MEF2A: variants seen among roughly 807,000 people sequenced by gnomAD.
The protein encoded by MEF2A is myocyte-specific enhancer factor 2A.
MEF2A carries 28 observed loss-of-function variants against 55.8 expected under a neutral mutation model. The observed-to-expected ratio is 0.50, with a 90% CI of 0.37 to 0.69. The LOEUF (loss-of-function observed/expected upper bound fraction) is 0.69, where lower values mean the gene tolerates loss of function less well. MEF2A is among the 30% of genes least tolerant of loss of function. MEF2A has a pLI of 0.00. For synonymous variants in MEF2A, 239 were observed against 227.1 expected (o/e 1.05, Z -0.47); for missense variants, 528 against 626.2 (o/e 0.84, Z 1.67).
intron 7 of MEF2A, among the ~76,000 whole-genome samples, chr15:99,689,484 CTTGT>C: frequency 6.6e-6 from 1 of 152,050 alleles, no homozygotes; most frequent in East Asian, 1.9e-4. Flanking sequence ...TGGTCTTTTG[CTTGT>C]TTGTTTCTTT....
At chr15:99,681,792 C>G (rs773544540) in intron 7 of MEF2A, 5 of 152,076 alleles carry the variant, frequency 3.3e-5, no homozygotes, top group African/African-American at 4.8e-5. Flanking sequence ...TTATTTTAGA[C>G]TAGTCAGGTG....
chr15:99,665,731 C>CAAAAAAAAAAAAAA (rs752473261), intron 4 of MEF2A, among the ~76,000 whole-genome samples: 6 of 20,252 alleles, frequency 3.0e-4, no homozygotes, highest in Non-Finnish European at 4.0e-4. Context: ...CTTAAATTTA[C>CAAAAAAAAAAAAAA]AAAAAAAAAA....
chr15:99,703,230 G>A, intron 8 of MEF2A, 132 bp from the exon 9 acceptor site: 1 of 722,888 alleles, frequency 1.4e-6, no homozygotes, highest in Non-Finnish European at 2.4e-6. Context: ...TCTATCTGTT[G>A]TGTATATAAT....
intron 7 of MEF2A, among the ~76,000 whole-genome samples, chr15:99,682,620 A>G (rs767766755): frequency 3.3e-5 from 5 of 152,240 alleles, no homozygotes; most frequent in South Asian, 2.1e-4. Flanking sequence ...CAGCCTGGCA[A>G]GTTACCAAAC....
Position 99,633,004 on chromosome 15 carries a change from C to A in MEF2A, c.-116C>A. 1.3e-6 allele frequency: 1 copy of A among 748,170 alleles called. No individual in the cohort carries two copies. 46.3% of individuals were successfully genotyped at this position (748,170 alleles called of 1,614,324 possible). ...TCTTGTAGAAAATTTCAGCTGTAGC[C>A]CTTGGACTAGAAGCTGAAATAACAG... On this transcript the variant is annotated 5_prime_UTR_variant, in exon 3 of 12. Transcript: ENST00000557942.
At position 99,674,130 on chromosome 15, in the gene MEF2A, G is replaced by A. The variant is rs139889631; in HGVS notation, c.391-263G>A. Among the ~76,000 whole-genome samples the A allele has an allele frequency of 3.0e-3, 460 of 152,062 alleles. 4 individuals are homozygous for A. Among genetic ancestry groups the A allele is most frequent in the African/African-American group, 0.01 (430 of 41,474 alleles). ...TTATCAGGTTTATCCTCTTAAATTT[G>A]TCTTTATGAATATTTGAAATATAGA... On this transcript the variant is annotated intron_variant, in intron 5 of 11. Transcript: ENST00000557942.
In MEF2A at chr15:99,687,887, A is replaced by G. The variant is rs7161858; in HGVS notation, c.671-2354A>G. 1.9e-3 allele frequency among the ~76,000 whole-genome samples: 282 copies of G among 152,286 alleles called. 1 individual carries two copies. The highest frequency in any genetic ancestry group is 0.01 in the Middle Eastern group (3 of 294). On this transcript the variant is annotated intron_variant, in intron 7 of 11. Transcript: ENST00000557942. ...GGGCACAGTACTGTATACATAATAG[A>G]TATTTGAATTTTTTTAATTTCCAAA...
At chr15:99,606,584 T>A (rs1975216282) in intron 2 of MEF2A, among the ~76,000 whole-genome samples, 1 of 152,106 alleles carries the variant, frequency 6.6e-6, no homozygotes, top group Non-Finnish European at 1.5e-5. Context: ...TGAAAAATAC[T>A]TCACAAAAGA....
intron 9 of MEF2A, among the ~76,000 whole-genome samples, chr15:99,704,646 T>C (rs1053319054): frequency 5.3e-5 from 8 of 152,200 alleles, no homozygotes; most frequent in Admixed American, 2.0e-4. Context: ...GTTTGAAGTC[T>C]TCACTGCTTT....
At chr15:99,707,686 C>CAGT (rs2058187814) in intron 10 of MEF2A, among the ~76,000 whole-genome samples, 2 of 152,216 alleles carry the variant, frequency 1.3e-5, no homozygotes, top group South Asian at 4.1e-4. Context: ...AGGAAGACGG[C>CAGT]AGTAGTTCAA....
At chr15:99,661,510 A>T (rs1041652123) in intron 4 of MEF2A, among the ~76,000 whole-genome samples, 1 of 151,780 alleles carries the variant, frequency 6.6e-6, no homozygotes, top group African/African-American at 2.4e-5. Context: ...AATAATTACT[A>T]TAAAAATAAA....
intron 7 of MEF2A, among the ~76,000 whole-genome samples, chr15:99,683,082 C>T (rs536954536): frequency 2.0e-5 from 3 of 152,266 alleles, no homozygotes; most frequent in South Asian, 2.1e-4. Context: ...TTACCTCTGT[C>T]CAAGTCATAT....
intron 7 of MEF2A, among the ~76,000 whole-genome samples, chr15:99,684,099 C>T (rs372413234): frequency 2.0e-5 from 3 of 152,054 alleles, no homozygotes; most frequent in Admixed American, 6.6e-5. Flanking sequence ...ATATATATTA[C>T]GTTTTCTGTA....
rs149386855 is a variant in MEF2A, at chr15:99,638,201, C to T, written c.54+5028C>T. On this transcript the variant is annotated intron_variant, in intron 3 of 11. Transcript: ENST00000557942. Reference sequence around the variant, plus strand: ...GTTTTATTCTCTTAGTACTTTGAAGCAGTTGTCTTCCAACTTCCATTCATT... The same window carrying T: ...GTTTTATTCTCTTAGTACTTTGAAGTAGTTGTCTTCCAACTTCCATTCATT... Among the ~76,000 whole-genome samples the T allele has an allele frequency of 5.8e-3, 883 of 152,276 alleles. 30 individuals carry two copies. The highest frequency in any genetic ancestry group is 0.047 in the Admixed American group (724 of 15,302).
intron 8 of MEF2A, 145 bp downstream of exon 8, chr15:99,690,573 A>G: frequency 1.2e-6 from 1 of 805,222 alleles, no homozygotes; most frequent in Non-Finnish European, 2.1e-6. Context: ...TAGTATTTGA[A>G]GAGACAAGTC....
At position 99,710,776 on chromosome 15, in the gene MEF2A, T is replaced by G. The variant is rs2058556319; in HGVS notation, c.1136+16T>G. The G allele has an allele frequency of 6.3e-7, 1 of 1,589,808 alleles. No homozygotes were observed. The highest frequency in any genetic ancestry group is 1.3e-5 in the African/African-American group (1 of 74,514). ...GCTCTCTTGTGTGAGTAACTAGAAGTTTTCCCTGCATCTTTACTCCTGGCC... is the reference window on the plus strand; with the variant it reads ...GCTCTCTTGTGTGAGTAACTAGAAGGTTTCCCTGCATCTTTACTCCTGGCC... On this transcript the variant is annotated intron_variant, in intron 11 of 11. Transcript: ENST00000557942.
At chr15:99,711,956 C>T (rs2058686243) in intron 11 of MEF2A, among the ~76,000 whole-genome samples, 1 of 152,188 alleles carries the variant, frequency 6.6e-6, no homozygotes, top group African/African-American at 2.4e-5. Flanking sequence ...GGGGATGGTG[C>T]GACTTGCACC....
intron 1 of MEF2A, among the ~76,000 whole-genome samples, chr15:99,591,203 G>T (rs1438742915): frequency 6.6e-6 from 1 of 152,124 alleles, no homozygotes; most frequent in Admixed American, 6.6e-5. Context: ...GTGTTTCTTG[G>T]ATTGCAGGCC....
intron 2 of MEF2A, among the ~76,000 whole-genome samples, chr15:99,618,389 T>C (rs1751650715): frequency 6.6e-6 from 1 of 152,188 alleles, no homozygotes; most frequent in South Asian, 2.1e-4. Context: ...CTAAATGTGA[T>C]ATATAATCCT....
Sources: gnomAD v4.1 joint callset for allele counts (sites outside exome capture counted in the v4.1 genomes callset) on GRCh38, gnomAD v4.1.1 for gene constraint, MANE v1.5 for transcripts, NCBI Gene and HGNC (gene_info 2026-07-23, HGNC 2026-07-21) for gene names.